SCN7A: variants seen among roughly 807,000 people sequenced by gnomAD.
SCN7A encodes the protein sodium voltage-gated channel alpha subunit 7.
A neutral mutation model predicts 155.2 loss-of-function variants in SCN7A; 138 were observed. The ratio of observed to expected loss-of-function variants is 0.89; its 90% CI spans 0.77 to 1.02. The LOEUF is 1.02. Ranked by LOEUF, SCN7A falls within the 50% of genes least tolerant of loss-of-function variation. The probability of loss-of-function intolerance (pLI) is 0.00; values close to 1 mark genes in which losing one functional copy is unlikely to be tolerated. For missense variants in SCN7A, 2,058 were observed against 1,986.6 expected (o/e 1.04, Z -0.68); for synonymous variants, 693 against 649.0 (o/e 1.07, Z -1.03).
At chr2:166,407,723 G>A (rs1474285607) in intron 25 of SCN7A, among the ~76,000 whole-genome samples, 1 of 151,482 alleles carries the variant, frequency 6.6e-6, no homozygotes, top group East Asian at 1.9e-4. Flanking sequence ...TTTTTGGGGG[G>A]AAGTTCTTTT....
intron 21 of SCN7A, among the ~76,000 whole-genome samples, chr2:166,415,774 C>T (rs1488920055): frequency 6.6e-6 from 1 of 152,018 alleles, no homozygotes; most frequent in Non-Finnish European, 1.5e-5. Flanking sequence ...GTTAACTGTA[C>T]AAATTGATTG....
At chr2:166,411,397 G>A (rs1281786032) in intron 23 of SCN7A, among the ~76,000 whole-genome samples, 1 of 151,876 alleles carries the variant, frequency 6.6e-6, no homozygotes, top group East Asian at 1.9e-4. Flanking sequence ...AAGCGATTGT[G>A]TTCAAGTAAT....
At chr2:166,468,712 T>C (rs887672222) in intron 7 of SCN7A, among the ~76,000 whole-genome samples, 5 of 151,950 alleles carry the variant, frequency 3.3e-5, no homozygotes, top group Admixed American at 2.0e-4. Flanking sequence ...TCTGAAAAGA[T>C]ACACATGTAC....
intron 11 of SCN7A, among the ~76,000 whole-genome samples, chr2:166,452,538 T>C (rs945863597): frequency 2.0e-5 from 3 of 152,198 alleles, no homozygotes; most frequent in Non-Finnish European, 2.9e-5. Flanking sequence ...CTTTGTACAA[T>C]TGTCAATCAT....
chr2:166,457,073 G>T lies in SCN7A; in HGVS notation c.1087C>A (p.Leu363Ile). 6.3e-7 allele frequency: 1 copy of T among 1,597,138 alleles called. No individual in the cohort carries two copies. The highest frequency in any genetic ancestry group is 8.5e-7 in the Non-Finnish European group (1 of 1,170,970). The change falls in exon 11 of 26, where the codon CTT (leucine) becomes ATT (isoleucine). Residue 363 changes from leucine (L) to isoleucine (I), a missense_variant. Leu to Ile is a conservative substitution (Grantham distance 5). Coordinates refer to ENST00000643258, the MANE Select transcript of SCN7A (RefSeq NM_002976.4). Reference sequence around the variant, plus strand: ...ATGTAGACCTTCCCAGAAGCATAAAGTATCTAAGGAAAGGTAGAAAGTAAG... The same window carrying T: ...ATGTAGACCTTCCCAGAAGCATAAATTATCTAAGGAAAGGTAGAAAGTAAG... ...DYPEVLYHQI[L>I]YASGKVYMIF...
intron 7 of SCN7A, among the ~76,000 whole-genome samples, chr2:166,467,403 T>C (rs1386483232): frequency 2.0e-5 from 3 of 151,532 alleles, no homozygotes; most frequent in African/African-American, 7.3e-5. Context: ...CATATTGTTT[T>C]GTTGGAAATG....
chr2:166,445,397 G>A (rs1702041985), intron 12 of SCN7A, among the ~76,000 whole-genome samples: 1 of 151,720 alleles, frequency 6.6e-6, no homozygotes, highest in African/African-American at 2.4e-5. Context: ...AGGGAGGAAG[G>A]TTAAACATTC....
Position 166,444,818 on chromosome 2 carries a change from AG to A in SCN7A, c.1569del (p.Leu524TrpfsTer6). ...ICIILNVCFL[T>X]LEHYPMSKQT... The stretch of plus-strand genomic sequence containing the variant: ...TGTTTACTCATTGGATAATGCTCCA[AG>A]GTCAGAAAACATACGTTTAAAATTA... On this transcript the variant is annotated frameshift_variant, in exon 13 of 26. Transcript: ENST00000643258. LOFTEE classifies it high-confidence loss of function. The A allele has an allele frequency of 2.5e-6, 4 of 1,608,926 alleles. No homozygotes were observed. The highest frequency in any genetic ancestry group is 3.4e-6 in the Non-Finnish European group (4 of 1,176,952).
chr2:166,489,320 C>T (rs950209606), intron 1 of SCN7A, among the ~76,000 whole-genome samples: 3 of 152,116 alleles, frequency 2.0e-5, no homozygotes, highest in African/African-American at 7.2e-5. Flanking sequence ...AATGTTTTCC[C>T]CTCTGGACAT....
intron 15 of SCN7A, among the ~76,000 whole-genome samples, chr2:166,433,004 C>T (rs1701766900): frequency 6.6e-6 from 1 of 152,054 alleles, no homozygotes; most frequent in African/African-American, 2.4e-5. Context: ...TTCCCCTAAC[C>T]ACCCCAGCTT....
intron 5 of SCN7A, among the ~76,000 whole-genome samples, chr2:166,473,326 T>C (rs1702700981): frequency 6.6e-6 from 1 of 151,836 alleles, no homozygotes; most frequent in Admixed American, 6.6e-5. Flanking sequence ...TAAGGGCATG[T>C]GTAAGATCTA....
Position 166,450,382 on chromosome 2 carries a change from T to C in SCN7A, c.1291-2674A>G, listed in dbSNP as rs184220042. ...TGCCTATCGCTCACTACCTGGGTGA[T>C]AGGATCATTCCTACACCAAACCTCA... On this transcript the variant is annotated intron_variant, in intron 11 of 25. Transcript: ENST00000643258. Among the ~76,000 whole-genome samples the C allele has an allele frequency of 5.8e-4, 88 of 152,150 alleles. 2 individuals are homozygous for C. Among genetic ancestry groups the C allele is most frequent in the Admixed American group, 4.8e-3 (74 of 15,272 alleles).
Position 166,464,161 on chromosome 2 carries a change from CAT to C in SCN7A, c.941+1299_941+1300del, listed in dbSNP as rs527945910. Among the ~76,000 whole-genome samples the C allele has an allele frequency of 6.1e-3, 731 of 119,936 alleles. 6 individuals are homozygous for C. Among genetic ancestry groups the C allele is most frequent in the African/African-American group, 0.017 (465 of 26,822 alleles). The allele number at this position is 119,936 out of a possible 152,430, so 78.7% of individuals were successfully genotyped here. On this transcript the variant is annotated intron_variant, in intron 9 of 25. Coordinates refer to ENST00000643258, the MANE Select transcript of SCN7A (RefSeq NM_002976.4). ...ACGAATATATACACATATATATACACATATGTGTGTATATATATGTGTATATA... is the reference window on the plus strand; with the variant it reads ...ACGAATATATACACATATATATACACATGTGTGTATATATATGTGTATATA...
chr2:166,454,717 A>G (rs16852162), intron 11 of SCN7A, among the ~76,000 whole-genome samples: 1,961 of 152,090 alleles, frequency 0.013, 50 homozygotes, highest in African/African-American at 0.045. Context: ...CCTTTTTCCC[A>G]TTTATCAGAA....
At chr2:166,457,420 A>G (rs1242316486) in intron 10 of SCN7A, among the ~76,000 whole-genome samples, 1 of 152,228 alleles carries the variant, frequency 6.6e-6, no homozygotes, top group Non-Finnish European at 1.5e-5. Context: ...CAGCCTCAAC[A>G]TGGAAAGTTA....
At chr2:166,429,061 T>C in intron 17 of SCN7A, 108 bp downstream of exon 17, 1 of 580,034 alleles carries the variant, frequency 1.7e-6, no homozygotes, top group Non-Finnish European at 2.9e-6. Context: ...TATTAAGAAA[T>C]GTATAAAGAT....
At chr2:166,478,308 T>C (rs1017005250) in intron 2 of SCN7A, among the ~76,000 whole-genome samples, 4 of 149,460 alleles carry the variant, frequency 2.7e-5, no homozygotes, top group South Asian at 2.1e-4. Context: ...ATAAAAAATA[T>C]ATATAATATA....
At position 166,474,721 on chromosome 2, in the gene SCN7A, T is replaced by C. The variant is rs1190307843; in HGVS notation, c.235-377A>G. Among the ~76,000 whole-genome samples the C allele has an allele frequency of 3.3e-5, 5 of 151,810 alleles. No homozygotes were observed. In the Admixed American group the frequency reaches 3.3e-4, roughly 10 times the overall value. The stretch of plus-strand genomic sequence containing the variant: ...TGGTGTATCTGAGAACGTTAATGAA[T>C]GTTAAAAGTTCGATTTTATTTCAGA... On this transcript the variant is annotated intron_variant, in intron 3 of 25. Coordinates refer to ENST00000643258, the MANE Select transcript of SCN7A (RefSeq NM_002976.4).
Position 166,441,652 on chromosome 2 carries a change from A to C in SCN7A, c.1901T>G (p.Leu634Trp), listed in dbSNP as rs752915136. 1 of 1,613,900 alleles carries C rather than the reference A, an allele frequency of 6.2e-7. No homozygotes were observed. The highest frequency in any genetic ancestry group is 1.1e-5 in the South Asian group (1 of 91,078). The change falls in exon 15 of 26, where the codon TTG becomes TGG. Residue 634 changes from leucine to tryptophan, a missense_variant. Transcript: ENST00000643258. ...WVALKDLVLL[L>W]FTFIFFSAAF... Reference sequence around the variant, plus strand: ...AGCAGAAAAGAAGATGAATGTGAACAACAACAGGACCAAGTCTTTCAGGGC... The same window carrying C: ...AGCAGAAAAGAAGATGAATGTGAACCACAACAGGACCAAGTCTTTCAGGGC...
Sources: gnomAD v4.1 joint callset for allele counts (sites outside exome capture counted in the v4.1 genomes callset) on GRCh38, gnomAD v4.1.1 for gene constraint, MANE v1.5 for transcripts, NCBI Gene and HGNC (gene_info 2026-07-23, HGNC 2026-07-21) for gene names.